DACT3: variants seen among roughly 807,000 people sequenced by gnomAD.
DACT3 encodes the protein dapper homolog 3.
In DACT3, 5 loss-of-function variants were observed where a neutral mutation model predicts 19.6. The observed-to-expected ratio is 0.26, with a 90% CI of 0.13 to 0.54. DACT3 has a LOEUF of 0.54. Among genes scored for constraint, DACT3 ranks in the 20% least tolerant of loss-of-function variants. The probability of loss-of-function intolerance (pLI) is 0.95; values close to 1 mark genes in which losing one functional copy is unlikely to be tolerated. For missense variants in DACT3, 908 were observed against 927.4 expected, an observed-to-expected ratio of 0.98 and a Z score of 0.27; for synonymous variants, 454 against 428.1, an observed-to-expected ratio of 1.06 and a Z score of -0.75.
At chr19:46,657,966 T>C (rs1439117173) in intron 1 of DACT3, among the ~76,000 whole-genome samples, 3 of 151,826 alleles carry the variant, frequency 2.0e-5, no homozygotes, top group Admixed American at 6.6e-5. Context: ...GCAGGAGAAT[T>C]GCTTGAATCC....
intron 1 of DACT3, among the ~76,000 whole-genome samples, chr19:46,659,808 G>A (rs938750122): frequency 4.6e-5 from 7 of 152,114 alleles, no homozygotes; most frequent in Admixed American, 1.3e-4. Context: ...GCGGGCTGGG[G>A]GGAGGGGAAG....
chr19:46,656,108 TGG>T, intron 1 of DACT3, among the ~76,000 whole-genome samples: 1 of 151,022 alleles, frequency 6.6e-6, no homozygotes, highest in Non-Finnish European at 1.5e-5. Context: ...CCGCTCAGGC[TGG>T]AGTGCAGTGG....
rs2053068589 is a variant in DACT3 at position 46,660,687 on chromosome 19, C to A, written c.249+129G>T. Reference sequence around the variant, plus strand: ...GCCGCCGGAACTCCGGGGTCGCCAGCCCCACCCCCTGTCCTTTCTCACTCC... The same window carrying A: ...GCCGCCGGAACTCCGGGGTCGCCAGACCCACCCCCTGTCCTTTCTCACTCC... On this transcript the variant is annotated intron_variant, in intron 1 of 3. Transcript: ENST00000391916. This position sits in a 1 kb window ranked among gnomAD's most constrained non-coding sequence, Gnocchi z 4.9. The A allele has an allele frequency of 7.2e-7, 1 of 1,381,622 alleles. No individual in the cohort carries two copies. Among genetic ancestry groups the A allele is most frequent in the Non-Finnish European group, 9.3e-7 (1 of 1,072,738 alleles). 85.6% of individuals were successfully genotyped at this position (1,381,622 alleles called of 1,614,324 possible).
chr19:46,653,553 T>TTATTTATTTATTTATTTATA, intron 1 of DACT3, among the ~76,000 whole-genome samples: 1 of 150,298 alleles, frequency 6.7e-6, no homozygotes, highest in African/African-American at 2.4e-5. Context: ...ATTTATTTAT[T>TTATTTATTTATTTATTTATA]TATTTATTTA....
chr19:46,660,808 C>A lies in DACT3; in HGVS notation c.249+8G>T. 6.7e-7 allele frequency: 1 copy of A among 1,492,786 alleles called. No individual in the cohort carries two copies. Among genetic ancestry groups the A allele is most frequent in the Non-Finnish European group, 8.9e-7 (1 of 1,127,172 alleles). 92.5% of individuals were successfully genotyped at this position (1,492,786 alleles called of 1,614,324 possible). A position where few individuals can be genotyped will look rare whatever the true frequency, so the allele number is the denominator to read the frequency against. On this transcript the variant is annotated splice_region_variant and intron_variant, in intron 1 of 3. Coordinates refer to ENST00000391916, the MANE Select transcript of DACT3 (RefSeq NM_145056.3). The surrounding 1 kb of genome is among the most constrained non-coding windows in gnomAD (Gnocchi z 4.9). Reference sequence around the variant, plus strand: ...GGTGGAGGGACGGACGGACAGGCAGCCCCTTACCAGCTGCTCCTCCAGGGC... The same window carrying A: ...GGTGGAGGGACGGACGGACAGGCAGACCCTTACCAGCTGCTCCTCCAGGGC...
Position 46,660,182 on chromosome 19 carries a change from AG to A in DACT3, c.249+633del, listed in dbSNP as rs1257051245. On this transcript the variant is annotated intron_variant, in intron 1 of 3. Transcript: ENST00000391916. The surrounding 1 kb of genome is among the most constrained non-coding windows in gnomAD (Gnocchi z 4.9). Reference sequence around the variant, plus strand: ...GGGTCAAGGAGAGCTGGGGCCAGGTAGGAAGCAGGGGAAGTGTCACCAAAGG... The same window carrying A: ...GGGTCAAGGAGAGCTGGGGCCAGGTAGAAGCAGGGGAAGTGTCACCAAAGG... Among the ~76,000 whole-genome samples, 2 of 152,194 alleles carry A rather than the reference AG, an allele frequency of 1.3e-5. No individual in the cohort carries two copies. The highest frequency in any genetic ancestry group is 2.9e-5 in the Non-Finnish European group (2 of 68,006).
At chr19:46,652,935 A>C (rs1366345241) in intron 2 of DACT3, 44 bp downstream of exon 2, 1 of 1,547,948 alleles carries the variant, frequency 6.5e-7, no homozygotes. Flanking sequence ...TACGGGGAAC[A>C]TGGAGGCGTC....
chr19:46,654,396 G>C lies in DACT3; in HGVS notation c.250-1321C>G, dbSNP rs547769587. 7.1e-6 allele frequency: 4 copies of C among 559,690 alleles called. No individual in the cohort carries two copies. The African/African-American group carries it at 8.2e-5, about 12-fold the overall frequency. The allele number at this position is 559,690 out of a possible 1,614,324, so 34.7% of individuals were successfully genotyped here. On this transcript the variant is annotated intron_variant, in intron 1 of 3. Coordinates refer to ENST00000391916, the MANE Select transcript of DACT3 (RefSeq NM_145056.3). ...AGCTACTAGAGAGGCTGAGGCGGGA[G>C]GATTGCTTGAGCCCAGGAGGCAGAG...
chr19:46,657,517 C>T (rs954178847), intron 1 of DACT3, among the ~76,000 whole-genome samples: 22 of 151,422 alleles, frequency 1.5e-4, no homozygotes, highest in Non-Finnish European at 3.1e-4. Context: ...CCACGCCCAG[C>T]TAATTTTTTG....
In DACT3 at chr19:46,648,845, G is replaced by C; in HGVS notation, c.1527C>G (p.Pro509=). Residue 509 remains proline (P), a synonymous_variant, in exon 4 of 4, where the codon CCC becomes CCG. Transcript: ENST00000391916. The surrounding 1 kb of genome is among the most constrained non-coding windows in gnomAD (Gnocchi z 5.1). ...VPGPGPSPSA[P]QRRLLYGCAG... ...CGCAGCCGTAAAGCAGACGACGCTG[G>C]GGAGCTGACGGGGACGGGCCGGGGC... 6.8e-7 allele frequency: 1 copy of C among 1,471,956 alleles called. No homozygotes were observed. The highest frequency in any genetic ancestry group is 8.9e-7 in the Non-Finnish European group (1 of 1,121,612). 91.2% of individuals were successfully genotyped at this position (1,471,956 alleles called of 1,614,324 possible).
rs978181704 is a variant in DACT3 at position 46,648,754 on chromosome 19, C to G, written c.1618G>C (p.Gly540Arg). 4.4e-6 allele frequency: 7 copies of G among 1,574,320 alleles called. No homozygotes were observed. The African/African-American group carries it at 9.4e-5, about 21-fold the overall frequency. Residue 540 changes from glycine to arginine, a missense_variant, in exon 4 of 4, where the codon GGC becomes CGC. Coordinates refer to ENST00000391916, the MANE Select transcript of DACT3 (RefSeq NM_145056.3). The surrounding 1 kb of genome is among the most constrained non-coding windows in gnomAD (Gnocchi z 5.1). ...CTCTCCCCGTAACCCCCGCCGACGCCTCCCGCAGGCCCCCGGCGTCCCAGG... is the reference window on the plus strand; with the variant it reads ...CTCTCCCCGTAACCCCCGCCGACGCGTCCCGCAGGCCCCCGGCGTCCCAGG... ...GPLGRRGPAG[G>R]VGGGYGESES...
At position 46,660,196 on chromosome 19, in the gene DACT3, G is replaced by C. The variant is rs1048868537; in HGVS notation, c.249+620C>G. Among the ~76,000 whole-genome samples, 2 of 152,226 alleles carry C rather than the reference G, an allele frequency of 1.3e-5. No homozygotes were observed. The highest frequency in any genetic ancestry group is 4.8e-5 in the African/African-American group (2 of 41,460). On this transcript the variant is annotated intron_variant, in intron 1 of 3. Transcript: ENST00000391916. This position sits in a 1 kb window ranked among gnomAD's most constrained non-coding sequence, Gnocchi z 4.9. Reference sequence around the variant, plus strand: ...TGGGGCCAGGTAGGAAGCAGGGGAAGTGTCACCAAAGGGTCAAGATCCCAG... The same window carrying C: ...TGGGGCCAGGTAGGAAGCAGGGGAACTGTCACCAAAGGGTCAAGATCCCAG...
chr19:46,655,901 G>GTCTCTCTCTCTCTCTCTC lies in DACT3; in HGVS notation c.250-2844_250-2827dup, dbSNP rs140521907. The stretch of plus-strand genomic sequence containing the variant: ...AGCCTAGGCGACATAGTGAGACCCA[G>GTCTCTCTCTCTCTCTCTC]TCTCTCTCTCTCTCTCTCTCTCTCT... On this transcript the variant is annotated intron_variant, in intron 1 of 3. Coordinates refer to ENST00000391916, the MANE Select transcript of DACT3 (RefSeq NM_145056.3). Among the ~76,000 whole-genome samples, 59 of 131,838 alleles carry GTCTCTCTCTCTCTCTCTC rather than the reference G, an allele frequency of 4.5e-4. 2 individuals carry two copies. The highest frequency in any genetic ancestry group is 3.4e-3 in the South Asian group (13 of 3,878). The allele number at this position is 131,838 out of a possible 152,430, so 86.5% of individuals were successfully genotyped here.
intron 1 of DACT3, chr19:46,655,112 C>T (rs996305115): frequency 3.9e-5 from 38 of 972,438 alleles, no homozygotes; most frequent in South Asian, 4.8e-5. Context: ...CCTCTAGCCA[C>T]GCCTGGCCTT....
At chr19:46,655,639 T>C (rs965850852) in intron 1 of DACT3, among the ~76,000 whole-genome samples, 2 of 152,082 alleles carry the variant, frequency 1.3e-5, no homozygotes, top group African/African-American at 2.4e-5. Flanking sequence ...AATAAAAGTA[T>C]ACATCAAGGT....
chr19:46,648,524 C>T lies in DACT3; in HGVS notation c.1848G>A (p.Leu616=). The change falls in exon 4 of 4, where the codon CTG becomes CTA. Residue 616 remains leucine (L), a synonymous_variant. Coordinates refer to ENST00000391916, the MANE Select transcript of DACT3 (RefSeq NM_145056.3). The surrounding 1 kb of genome is among the most constrained non-coding windows in gnomAD (Gnocchi z 5.1). ...CCTTGAGAGAACCCGAACGGAAACG[C>T]AGTATCTTTTTCTTGAGCGCGTGGG... ...KASHALKKKI[L]RFRSGSLKVM... The T allele has an allele frequency of 6.2e-7, 1 of 1,614,024 alleles. No homozygotes were observed. Among genetic ancestry groups the T allele is most frequent in the Non-Finnish European group, 8.5e-7 (1 of 1,179,876 alleles).
chr19:46,649,163 A>G lies in DACT3; in HGVS notation c.1209T>C (p.Arg403=), dbSNP rs971739715. The part of the protein sequence containing the change: ...PRERPRAAGR[R]GRMAEASGRR... The stretch of plus-strand genomic sequence containing the variant: ...GGCCCGAAGCCTCGGCCATGCGTCC[A>G]CGGCGGCCGGCGGCCCGGGGACGCT... Residue 403 remains arginine, a synonymous_variant, in exon 4 of 4, where the codon CGT becomes CGC. Transcript: ENST00000391916. 4.9e-6 allele frequency: 6 copies of G among 1,225,882 alleles called. No homozygotes were observed. Among genetic ancestry groups the G allele is most frequent in the Non-Finnish European group, 6.1e-6 (6 of 984,650 alleles). 75.9% of individuals were successfully genotyped at this position (1,225,882 alleles called of 1,614,324 possible).
At chr19:46,656,322 T>C (rs2053034269) in intron 1 of DACT3, among the ~76,000 whole-genome samples, 1 of 152,006 alleles carries the variant, frequency 6.6e-6, no homozygotes, top group Non-Finnish European at 1.5e-5. Flanking sequence ...AGTGCTGGGA[T>C]TGCATGCGTG....
Position 46,660,942 on chromosome 19 carries a change from C to T in DACT3, c.123G>A (p.Val41=). The part of the protein sequence containing the change: ...HWLRERQEYR[V]QQALRLAQPG... ...GCTGGGCCAGCCGCAGCGCCTGCTG[C>T]ACGCGGTACTCCTGCCTCTCCCGGA... Residue 41 remains valine, a synonymous_variant, in exon 1 of 4, where the codon GTG becomes GTA. Coordinates refer to ENST00000391916, the MANE Select transcript of DACT3 (RefSeq NM_145056.3). The surrounding 1 kb of genome is among the most constrained non-coding windows in gnomAD (Gnocchi z 4.9). The T allele has an allele frequency of 6.5e-7, 1 of 1,540,368 alleles. No homozygotes were observed. Among genetic ancestry groups the T allele is most frequent in the South Asian group, 1.2e-5 (1 of 83,662 alleles).
Sources: gnomAD v4.1 joint callset for allele counts (sites outside exome capture counted in the v4.1 genomes callset) on GRCh38, gnomAD v4.1.1 for gene constraint, Gnocchi (gnomAD v3.1) non-coding constraint, MANE v1.5 for transcripts, NCBI Gene and HGNC (gene_info 2026-07-23, HGNC 2026-07-21) for gene names.